Variants in LRRC4C observed in about 807,000 individuals in gnomAD.
LRRC4C encodes the protein leucine rich repeat containing 4C.
In LRRC4C, 5 loss-of-function variants were observed where a neutral mutation model predicts 33.6. The ratio of observed to expected loss-of-function variants is 0.15; its 90% CI spans 0.08 to 0.31. The LOEUF (loss-of-function observed/expected upper bound fraction) is 0.31. Ranked by LOEUF, LRRC4C falls within the 10% of genes least tolerant of loss-of-function variation. The pLI, the probability that LRRC4C is intolerant of heterozygous loss-of-function variation, is 1.00. For synonymous variants in LRRC4C, 329 were observed against 302.0 expected (o/e 1.09, Z -0.93); for missense variants, 560 against 796.7 (o/e 0.70, Z 3.58).
At chr11:40,812,905 A>G (rs1214981190) in intron 2 of LRRC4C, among the ~76,000 whole-genome samples, 1 of 152,216 alleles carries the variant, frequency 6.6e-6, no homozygotes, top group East Asian at 1.9e-4. Flanking sequence ...GAAACAAATT[A>G]TAGAAGTCCC....
chr11:40,278,360 T>C (rs1198369773), intron 4 of LRRC4C, among the ~76,000 whole-genome samples: 4 of 152,082 alleles, frequency 2.6e-5, no homozygotes, highest in African/African-American at 9.7e-5. Flanking sequence ...TTAGATTAAA[T>C]CAAAGCTAGA....
At chr11:40,475,539 T>C (rs1316984202) in intron 3 of LRRC4C, among the ~76,000 whole-genome samples, 1 of 152,040 alleles carries the variant, frequency 6.6e-6, no homozygotes, top group East Asian at 1.9e-4. Flanking sequence ...CCATGGCAAG[T>C]GTATACCTCT....
chr11:41,092,912 T>A (rs374254317), intron 1 of LRRC4C, among the ~76,000 whole-genome samples: 2 of 152,316 alleles, frequency 1.3e-5, no homozygotes, highest in East Asian at 3.9e-4. Context: ...AACTCTAGAA[T>A]AAAGAGAAAT....
At chr11:40,248,797 A>G (rs1439897508) in intron 4 of LRRC4C, among the ~76,000 whole-genome samples, 2 of 152,164 alleles carry the variant, frequency 1.3e-5, no homozygotes, top group Non-Finnish European at 1.5e-5. Context: ...CTCATTACAT[A>G]TTTTACGCAT....
At chr11:40,637,038 C>G (rs1362400863) in intron 3 of LRRC4C, among the ~76,000 whole-genome samples, 2 of 152,160 alleles carry the variant, frequency 1.3e-5, no homozygotes, top group African/African-American at 2.4e-5. Context: ...TCTGGGCCCC[C>G]AGAGCAGCAA....
At chr11:40,696,772 A>ATATATATATC (rs1555147711) in intron 2 of LRRC4C, among the ~76,000 whole-genome samples, 2 of 146,138 alleles carry the variant, frequency 1.4e-5, no homozygotes, top group Non-Finnish European at 3.0e-5. Context: ...ATATATATAT[A>ATATATATATC]TATCTGAGTA....
At chr11:41,377,743 G>T (rs150215633) in intron 1 of LRRC4C, among the ~76,000 whole-genome samples, 1 of 152,102 alleles carries the variant, frequency 6.6e-6, no homozygotes, top group African/African-American at 2.4e-5. Flanking sequence ...CTCGTTATGG[G>T]TATTTTTGCC....
intron 1 of LRRC4C, among the ~76,000 whole-genome samples, chr11:40,970,959 C>T (rs1160838130): frequency 1.3e-5 from 2 of 152,160 alleles, no homozygotes; most frequent in Non-Finnish European, 2.9e-5. Context: ...TAAGAATTGA[C>T]CTGGCTGCTT....
At chr11:40,242,182 T>A (rs1487256987) in intron 4 of LRRC4C, among the ~76,000 whole-genome samples, 2 of 152,154 alleles carry the variant, frequency 1.3e-5, no homozygotes, top group Admixed American at 6.6e-5. Context: ...TTTTTGGAAA[T>A]GTTTTTTTTC....
chr11:40,420,745 G>T (rs1188624139), intron 3 of LRRC4C, among the ~76,000 whole-genome samples: 4 of 152,126 alleles, frequency 2.6e-5, no homozygotes, highest in Admixed American at 2.6e-4. Flanking sequence ...CAGCTCATGA[G>T]TGTTGGAGCC....
chr11:40,352,602 A>G (rs1947462893), intron 3 of LRRC4C, among the ~76,000 whole-genome samples: 1 of 152,136 alleles, frequency 6.6e-6, no homozygotes, highest in Non-Finnish European at 1.5e-5. Flanking sequence ...AGTTGACAAG[A>G]TACGAGTAGT....
chr11:41,088,619 T>C (rs899727649), intron 1 of LRRC4C, among the ~76,000 whole-genome samples: 4 of 152,096 alleles, frequency 2.6e-5, no homozygotes, highest in African/African-American at 9.7e-5. Flanking sequence ...TACTCTACTC[T>C]CAAAGTGATA....
At chr11:40,429,659 A>ACTTT (rs1013211894) in intron 3 of LRRC4C, among the ~76,000 whole-genome samples, 1 of 152,112 alleles carries the variant, frequency 6.6e-6, no homozygotes, top group Non-Finnish European at 1.5e-5. Flanking sequence ...ATGCTCTATG[A>ACTTT]CTTTTCATCT....
chr11:41,443,584 T>A lies in LRRC4C; in HGVS notation c.-496+15847A>T, dbSNP rs1414956577. On this transcript the variant is annotated intron_variant, in intron 1 of 6. Coordinates refer to ENST00000528697, the MANE Select transcript of LRRC4C (RefSeq NM_001258419.2). ...TCCTTTTTCTTTTTTCTTTCTTTCT[T>A]TTTCTTTTCTTTTCTCTCTTTCTTT... Among the ~76,000 whole-genome samples the A allele has an allele frequency of 5.4e-5, 8 of 149,074 alleles. 1 individual carries two copies. In the Middle Eastern group the frequency reaches 0.017, roughly 317 times the overall value.
chr11:40,441,870 A>G (rs570328197), intron 3 of LRRC4C, among the ~76,000 whole-genome samples: 1 of 152,320 alleles, frequency 6.6e-6, no homozygotes, highest in Admixed American at 6.5e-5. Flanking sequence ...TGCATCATAA[A>G]AAGATGAACT....
intron 2 of LRRC4C, among the ~76,000 whole-genome samples, chr11:40,795,239 G>T (rs115889962): frequency 1.3e-5 from 2 of 152,078 alleles, no homozygotes; most frequent in African/African-American, 2.4e-5. Flanking sequence ...CATTAGAAGG[G>T]AAGGAAAGAC....
At chr11:41,206,242 A>G (rs901143791) in intron 1 of LRRC4C, among the ~76,000 whole-genome samples, 2 of 152,182 alleles carry the variant, frequency 1.3e-5, no homozygotes, top group African/African-American at 4.8e-5. Context: ...GCTTTTTCTA[A>G]TACAAATGTA....
In LRRC4C at chr11:40,274,424, TACACACAC is replaced by T. The variant is rs56027023; in HGVS notation, c.-175-32834_-175-32827del. 1.7e-3 allele frequency among the ~76,000 whole-genome samples: 237 copies of T among 139,054 alleles called. 3 individuals carry two copies. The highest frequency in any genetic ancestry group is 0.012 in the South Asian group (49 of 4,240). The allele number at this position is 139,054 out of a possible 152,430, so 91.2% of individuals were successfully genotyped here. ...TTACCCTGCGGAATAGACACACACA[TACACACAC>T]ACACACACACACACACACACACACA... On this transcript the variant is annotated intron_variant, in intron 4 of 6. Coordinates refer to ENST00000528697, the MANE Select transcript of LRRC4C (RefSeq NM_001258419.2).
intron 1 of LRRC4C, among the ~76,000 whole-genome samples, chr11:41,196,372 T>C (rs1031535731): frequency 6.6e-6 from 1 of 152,040 alleles, no homozygotes; most frequent in Admixed American, 6.6e-5. Context: ...TTAAATATCT[T>C]ATCCAAAGAC....
Sources: allele counts gnomAD v4.1 joint callset (sites outside exome capture counted in the v4.1 genomes callset), GRCh38; gene constraint gnomAD v4.1.1; transcripts MANE v1.5; gene names NCBI Gene and HGNC (gene_info 2026-07-23, HGNC 2026-07-21).